The following GRM7 variants were observed in gnomAD, a reference collection of about 807,000 sequenced individuals.
The protein encoded by GRM7 is glutamate metabotropic receptor 7, also known as metabotropic glutamate receptor 7.
Under a neutral mutation model 84.5 loss-of-function variants are expected in GRM7, and 35 were observed. The ratio of observed to expected loss-of-function variants is 0.41; its 90% confidence interval spans 0.32 to 0.55. GRM7 has a LOEUF of 0.55. Among genes scored for constraint, GRM7 ranks in the 20% least tolerant of loss-of-function variants. The pLI is 0.19. For synonymous variants in GRM7, 487 were observed against 455.1 expected, an observed-to-expected ratio of 1.07 and a Z score of -0.89; for missense variants, 1,003 against 1,194.6, an observed-to-expected ratio of 0.84 and a Z score of 2.36.
intron 7 of GRM7, among the ~76,000 whole-genome samples, chr3:7,491,433 G>T (rs1178138148): frequency 6.9e-6 from 1 of 145,842 alleles, no homozygotes; most frequent in African/African-American, 2.6e-5. Flanking sequence ...TATATATATA[G>T]TGAGATTATT....
intron 2 of GRM7, among the ~76,000 whole-genome samples, chr3:7,179,515 A>T (rs563541270): frequency 1.4e-4 from 21 of 152,298 alleles, no homozygotes; most frequent in Admixed American, 1.2e-3. Context: ...TATATTTTAG[A>T]TTCAAAATAG....
intron 4 of GRM7, among the ~76,000 whole-genome samples, chr3:7,354,879 G>A (rs186805584): frequency 6.6e-6 from 1 of 152,166 alleles, no homozygotes; most frequent in Non-Finnish European, 1.5e-5. Context: ...AACTGGCAAG[G>A]CCAGCAATAT....
intron 4 of GRM7, among the ~76,000 whole-genome samples, chr3:7,371,011 A>G (rs1374147355): frequency 1.3e-5 from 2 of 152,196 alleles, no homozygotes; most frequent in African/African-American, 4.8e-5. Context: ...GCTAACTTGA[A>G]CAAGTGCAAA....
intron 2 of GRM7, among the ~76,000 whole-genome samples, chr3:7,177,615 G>A (rs1351272164): frequency 6.6e-6 from 1 of 151,164 alleles, no homozygotes; most frequent in African/African-American, 2.4e-5. Flanking sequence ...AGAGTTAGAT[G>A]GGGTGGGAGA....
intron 4 of GRM7, among the ~76,000 whole-genome samples, chr3:7,359,111 CAAAAAAAAAAAAAAAA>C (rs1389868817): frequency 3.6e-5 from 3 of 83,078 alleles, no homozygotes; most frequent in Non-Finnish European, 7.2e-5. Flanking sequence ...GATTCCATCT[CAAAAAAAAAAAAAAAA>C]GAAAAAAAGA....
At chr3:7,271,198 G>GA (rs956864580) in intron 2 of GRM7, among the ~76,000 whole-genome samples, 2 of 151,724 alleles carry the variant, frequency 1.3e-5, no homozygotes, top group African/African-American at 4.8e-5. Flanking sequence ...ACAGAAAGAG[G>GA]AAAAAAAAGT....
chr3:7,706,658 T>C (rs1701398791), intron 9 of GRM7, among the ~76,000 whole-genome samples: 1 of 152,214 alleles, frequency 6.6e-6, no homozygotes, highest in Admixed American at 6.5e-5. Context: ...TACTTTCCTG[T>C]ATCTTTGTGT....
At chr3:7,568,824 G>A (rs1559408674) in intron 7 of GRM7, among the ~76,000 whole-genome samples, 1 of 152,140 alleles carries the variant, frequency 6.6e-6, no homozygotes, top group African/African-American at 2.4e-5. Flanking sequence ...GGCCTTAGCT[G>A]CCTCCCCGTG....
chr3:6,957,646 A>G (rs960493237), intron 1 of GRM7, among the ~76,000 whole-genome samples: 1 of 152,166 alleles, frequency 6.6e-6, no homozygotes, highest in African/African-American at 2.4e-5. Context: ...TCATTTGCAC[A>G]TTGTAACATA....
intron 1 of GRM7, among the ~76,000 whole-genome samples, chr3:6,936,772 T>A (rs1697708610): frequency 1.3e-5 from 2 of 152,184 alleles, no homozygotes. Flanking sequence ...TAGTAATCCA[T>A]GATAGTAGTA....
intron 4 of GRM7, among the ~76,000 whole-genome samples, chr3:7,410,021 A>G (rs922295041): frequency 2.0e-5 from 3 of 152,144 alleles, no homozygotes; most frequent in Non-Finnish European, 4.4e-5. Context: ...AGAGAGATGC[A>G]TTTCTCAGTG....
intron 1 of GRM7, among the ~76,000 whole-genome samples, chr3:7,046,542 C>G (rs946240354): frequency 2.6e-5 from 4 of 152,068 alleles, no homozygotes; most frequent in Admixed American, 6.6e-5. Context: ...TTGGCAACAG[C>G]CAGTTGTGTT....
chr3:7,569,343 G>A (rs1326975635), intron 7 of GRM7, among the ~76,000 whole-genome samples: 6 of 151,976 alleles, frequency 3.9e-5, no homozygotes, highest in East Asian at 2.0e-4. Flanking sequence ...ATCTAGCTCC[G>A]CTGGTGGGGA....
chr3:7,397,716 C>T (rs567734736), intron 4 of GRM7, among the ~76,000 whole-genome samples: 97 of 152,148 alleles, frequency 6.4e-4, no homozygotes, highest in African/African-American at 2.1e-3. Context: ...AATTAAAAAG[C>T]ATTAAATCAG....
intron 9 of GRM7, among the ~76,000 whole-genome samples, chr3:7,683,559 C>G (rs1000312044): frequency 6.6e-6 from 1 of 152,016 alleles, no homozygotes; most frequent in Non-Finnish European, 1.5e-5. Flanking sequence ...TTCTGATGAC[C>G]CAACTCTCAA....
At chr3:7,513,420 TTCTA>T (rs1700277384) in intron 7 of GRM7, among the ~76,000 whole-genome samples, 2 of 152,194 alleles carry the variant, frequency 1.3e-5, no homozygotes, top group African/African-American at 4.8e-5. Flanking sequence ...TTTTTTTCTT[TTCTA>T]TCTATTATGC....
At chr3:7,644,159 T>TATATATGTCTGTAA (rs1553630315) in intron 8 of GRM7, among the ~76,000 whole-genome samples, 2 of 73,920 alleles carry the variant, frequency 2.7e-5, no homozygotes. Flanking sequence ...TGTACGTATA[T>TATATATGTCTGTAA]ATATATATGT....
rs116466934 is a variant in GRM7, at chr3:7,655,046, T to A, written c.2452-25003T>A. Among the ~76,000 whole-genome samples, 1,295 of 152,274 alleles carry A rather than the reference T, an allele frequency of 8.5e-3. 24 individuals are homozygous for A. Among genetic ancestry groups the A allele is most frequent in the African/African-American group, 0.03 (1,231 of 41,556 alleles). On this transcript the variant is annotated intron_variant, in intron 8 of 9. Transcript: ENST00000357716. ...GGTTCTAGTTCTGTGAACAGACCCA[T>A]TTTAACAAGAGAAGTCAGCTAAGTA...
At chr3:6,903,310 A>C (rs1363153201) in intron 1 of GRM7, among the ~76,000 whole-genome samples, 1 of 151,374 alleles carries the variant, frequency 6.6e-6, no homozygotes. Context: ...CAATCTCCCA[A>C]CTCATCTCTA....
Sources: gnomAD v4.1 joint callset for allele counts (sites outside exome capture counted in the v4.1 genomes callset) on GRCh38, gnomAD v4.1.1 for gene constraint, MANE v1.5 for transcripts, NCBI Gene and HGNC (gene_info 2026-07-23, HGNC 2026-07-21) for gene names.